The following BMPR1A variants were observed in gnomAD, a reference collection of about 807,000 sequenced individuals.
The protein encoded by BMPR1A is bone morphogenetic protein receptor type 1A, also known as bone morphogenetic protein receptor type-1A.
In BMPR1A, 7 loss-of-function variants were observed where a neutral mutation model predicts 66.0. The observed-to-expected ratio is 0.11, with a 90% CI of 0.06 to 0.20. The LOEUF is 0.20. BMPR1A is among the 10% of genes least tolerant of loss of function. BMPR1A has a pLI of 1.00. For synonymous variants in BMPR1A, 200 were observed against 229.7 expected, an observed-to-expected ratio of 0.87 and a Z score of 1.17; for missense variants, 408 against 669.1, an observed-to-expected ratio of 0.61 and a Z score of 4.31.
At chr10:86,858,336 CTATT>C (rs1842672313) in intron 2 of BMPR1A, among the ~76,000 whole-genome samples, 1 of 152,038 alleles carries the variant, frequency 6.6e-6, no homozygotes, top group African/African-American at 2.4e-5. Context: ...TATGATTCAT[CTATT>C]TGTTAAACTT....
intron 1 of BMPR1A, among the ~76,000 whole-genome samples, chr10:86,784,888 G>GT (rs534258969): frequency 1.2e-4 from 18 of 149,360 alleles, no homozygotes; most frequent in Middle Eastern, 3.4e-3. Flanking sequence ...TTTGAGTCTT[G>GT]TTTTTTTTTC....
In BMPR1A at chr10:86,892,227, A is replaced by G; in HGVS notation, c.331A>G (p.Lys111Glu). The G allele has an allele frequency of 6.2e-7, 1 of 1,611,628 alleles. No homozygotes were observed. Among genetic ancestry groups the G allele is most frequent in the Non-Finnish European group, 8.5e-7 (1 of 1,177,792 alleles). The stretch of plus-strand genomic sequence containing the variant: ...ATATGAAGGATCTGATTTTCAGTGC[A>G]AAGTAAGATATAATTTGGGACCCAT... Reference protein sequence around the residue: ...MKYEGSDFQCKDSPKAQLRRT... With the variant: ...MKYEGSDFQCEDSPKAQLRRT... Residue 111 changes from lysine (K) to glutamate (E), a missense_variant and splice_region_variant, in exon 5 of 13, where the codon AAA becomes GAA. Lys to Glu is a moderately conservative substitution (Grantham distance 56). Transcript: ENST00000372037.
At chr10:86,758,394 ATTAG>A (rs1371793619) in intron 1 of BMPR1A, among the ~76,000 whole-genome samples, 1 of 114,024 alleles carries the variant, frequency 8.8e-6, no homozygotes, top group African/African-American at 3.3e-5. Context: ...TGTCTTTCTT[ATTAG>A]TTAACACCTT....
rs573161407 is a variant in BMPR1A at position 86,925,876 on chromosome 10, C to A, written c.*2157C>A. The A allele has an allele frequency of 2.8e-3, 456 of 163,102 alleles. 4 individuals are homozygous for A. The highest frequency in any genetic ancestry group is 0.025 in the Admixed American group (394 of 15,506). 10.1% of individuals were successfully genotyped at this position (163,102 alleles called of 1,614,324 possible). The stretch of plus-strand genomic sequence containing the variant: ...CCGAGTAGCTGGGACTACAGGCGCC[C>A]GCCACCGCGCCCGGCTAATTTTTTG... On this transcript the variant is annotated 3_prime_UTR_variant, in exon 13 of 13. Coordinates refer to ENST00000372037, the MANE Select transcript of BMPR1A (RefSeq NM_004329.3).
intron 2 of BMPR1A, among the ~76,000 whole-genome samples, chr10:86,875,104 GACTCAC>G (rs973108310): frequency 6.6e-6 from 1 of 151,632 alleles, no homozygotes; most frequent in Non-Finnish European, 1.5e-5. Flanking sequence ...CTGGCATGGT[GACTCAC>G]ACCTGTAATC....
intron 7 of BMPR1A, among the ~76,000 whole-genome samples, chr10:86,901,053 T>A (rs1217393721): frequency 6.6e-6 from 1 of 152,216 alleles, no homozygotes; most frequent in Non-Finnish European, 1.5e-5. Flanking sequence ...GTCTCTGGGA[T>A]CACTCACTCT....
chr10:86,921,796 ATAG>A (rs1843669438), intron 11 of BMPR1A, 101 bp downstream of exon 11: 8 of 1,429,030 alleles, frequency 5.6e-6, no homozygotes, highest in South Asian at 1.2e-5. Flanking sequence ...TTGTGGGCAC[ATAG>A]TAGGTGTATA....
intron 2 of BMPR1A, among the ~76,000 whole-genome samples, chr10:86,864,868 C>G (rs933680904): frequency 3.9e-5 from 6 of 152,162 alleles, no homozygotes; most frequent in Admixed American, 3.3e-4. Context: ...CCCCTTACCA[C>G]AAGATCTCCC....
At chr10:86,791,119 T>C (rs1377087465) in intron 1 of BMPR1A, among the ~76,000 whole-genome samples, 1 of 152,184 alleles carries the variant, frequency 6.6e-6, no homozygotes, top group Non-Finnish European at 1.5e-5. Context: ...TTTCAACAGA[T>C]AACTCAGAAG....
At chr10:86,812,626 T>A (rs1317184922) in intron 1 of BMPR1A, among the ~76,000 whole-genome samples, 4 of 152,224 alleles carry the variant, frequency 2.6e-5, no homozygotes, top group Non-Finnish European at 4.4e-5. Flanking sequence ...TCTCTCCTTT[T>A]ACTGGCAGTT....
At chr10:86,896,805 C>A (rs940019246) in intron 5 of BMPR1A, among the ~76,000 whole-genome samples, 3 of 152,110 alleles carry the variant, frequency 2.0e-5, no homozygotes, top group Admixed American at 6.5e-5. Context: ...TAAGTGTCAC[C>A]TGAAAAATAC....
At chr10:86,874,744 G>A (rs1352582160) in intron 2 of BMPR1A, among the ~76,000 whole-genome samples, 1 of 118,988 alleles carries the variant, frequency 8.4e-6, no homozygotes, top group Non-Finnish European at 1.7e-5. Context: ...TTGAGATGGA[G>A]TCTCGCTCTG....
intron 1 of BMPR1A, among the ~76,000 whole-genome samples, chr10:86,811,269 A>T (rs1231896268): frequency 2.0e-5 from 3 of 152,020 alleles, no homozygotes; most frequent in African/African-American, 4.8e-5. Flanking sequence ...AAACTCCTGA[A>T]TTCAAGTGAT....
chr10:86,842,397 C>T (rs900389255), intron 2 of BMPR1A, among the ~76,000 whole-genome samples: 5 of 151,984 alleles, frequency 3.3e-5, no homozygotes, highest in South Asian at 2.1e-4. Flanking sequence ...GAGCCCAGAG[C>T]GGGGTGGAGG....
intron 1 of BMPR1A, among the ~76,000 whole-genome samples, chr10:86,779,890 C>T (rs1841409020): frequency 6.6e-6 from 1 of 152,158 alleles, no homozygotes; most frequent in South Asian, 2.1e-4. Context: ...GTGTGAGCCA[C>T]CATGCTCTGC....
At chr10:86,799,371 C>T (rs975707473) in intron 1 of BMPR1A, among the ~76,000 whole-genome samples, 1 of 152,136 alleles carries the variant, frequency 6.6e-6, no homozygotes, top group African/African-American at 2.4e-5. Context: ...TGTGAAAATG[C>T]TTAGTAATGT....
downstream of BMPR1A, chr10:86,932,281 A>T (rs1843819062): frequency 6.6e-6 from 1 of 152,256 alleles, no homozygotes; most frequent in Admixed American, 6.5e-5. Flanking sequence ...ATGTACAATT[A>T]TCAGAACCAG....
At chr10:86,782,203 T>G (rs1841447897) in intron 1 of BMPR1A, among the ~76,000 whole-genome samples, 1 of 152,208 alleles carries the variant, frequency 6.6e-6, no homozygotes, top group Admixed American at 6.5e-5. Context: ...GTTGTGTATA[T>G]GTACCACATT....
At chr10:86,757,374 C>T (rs1000821549) in intron 1 of BMPR1A, among the ~76,000 whole-genome samples, 3 of 152,180 alleles carry the variant, frequency 2.0e-5, no homozygotes, top group Non-Finnish European at 2.9e-5. Flanking sequence ...CCCGAGTCCC[C>T]GCGGGAAGGG....
Sources: allele counts gnomAD v4.1 joint callset (sites outside exome capture counted in the v4.1 genomes callset), GRCh38; gene constraint gnomAD v4.1.1; transcripts MANE v1.5; gene names NCBI Gene and HGNC (gene_info 2026-07-23, HGNC 2026-07-21).